ARGLU1: variants seen among roughly 807,000 people sequenced by gnomAD.
ARGLU1 encodes arginine and glutamate rich 1, also known as arginine and glutamate-rich protein 1.
In ARGLU1, 9 loss-of-function variants were observed where a neutral mutation model predicts 37.6. The observed-to-expected ratio is 0.24, with a 90% CI of 0.14 to 0.42. The LOEUF (loss-of-function observed/expected upper bound fraction) is 0.42. Among genes scored for constraint, ARGLU1 ranks in the 10% least tolerant of loss-of-function variants. The probability of loss-of-function intolerance (pLI) is 1.00; values close to 1 mark genes in which losing one functional copy is unlikely to be tolerated. For missense variants in ARGLU1, 211 were observed against 359.2 expected, an observed-to-expected ratio of 0.59 and a Z score of 3.34; for synonymous variants, 166 against 138.5, an observed-to-expected ratio of 1.20 and a Z score of -1.39.
rs189525359 is a variant in ARGLU1, at chr13:106,555,523, A to G, written c.657+1525T>C. Among the ~76,000 whole-genome samples, 12 of 152,348 alleles carry G rather than the reference A, an allele frequency of 7.9e-5. No homozygotes were observed. The South Asian group carries it at 8.3e-4, about 11-fold the overall frequency. On this transcript the variant is annotated intron_variant, in intron 3 of 3. Coordinates refer to ENST00000400198, the MANE Select transcript of ARGLU1 (RefSeq NM_018011.4). ...AATATTAAGGGTTTTAGAAGTTTTT[A>G]CAGCAATATGACCTCATTTTTCTAG...
chr13:106,567,519 C>G lies in ARGLU1; in HGVS notation c.347+54G>C. 3 of 1,321,812 alleles carry G rather than the reference C, an allele frequency of 2.3e-6. No homozygotes were observed. The highest frequency in any genetic ancestry group is 3.3e-6 in the Non-Finnish European group (3 of 921,670). The allele number at this position is 1,321,812 out of a possible 1,614,324, so 81.9% of individuals were successfully genotyped here. A position where few individuals can be genotyped will look rare whatever the true frequency, so the allele number is the denominator to read the frequency against. ...CCGTCCCGCCCCGGCCCCACGCCCT[C>G]GCCCCGCGCCCTGCTCTCCGCACGC... is the stretch of plus-strand genomic sequence containing the variant. On this transcript the variant is annotated intron_variant, in intron 1 of 3. Coordinates refer to ENST00000400198, the MANE Select transcript of ARGLU1 (RefSeq NM_018011.4). The surrounding 1 kb of genome is among the most constrained non-coding windows in gnomAD (Gnocchi z 4.3).
intron 1 of ARGLU1, chr13:106,562,002 A>G (rs1880814771): frequency 6.6e-6 from 1 of 152,206 alleles, no homozygotes. Context: ...GGGCAAGTGG[A>G]AAGTCCCACG....
chr13:106,554,882 CA>C (rs1410058402), intron 3 of ARGLU1, among the ~76,000 whole-genome samples: 3 of 92,688 alleles, frequency 3.2e-5, no homozygotes, highest in Admixed American at 1.3e-4. Flanking sequence ...GAGATTCCAT[CA>C]AAAAAAGAAA....
At chr13:106,561,843 A>C (rs906352271) in intron 1 of ARGLU1, 3 of 152,260 alleles carry the variant, frequency 2.0e-5, no homozygotes, top group Non-Finnish European at 2.9e-5. Context: ...GCAAATGCCA[A>C]ATCAGAATGT....
rs1416239527 is a variant in ARGLU1 at position 106,543,204 on chromosome 13, C to T, written c.*792G>A. On this transcript the variant is annotated 3_prime_UTR_variant, in exon 4 of 4. Transcript: ENST00000400198. ...CAAGTATATTTAATGTACATATAAA[C>T]CCTATGTTAAAAGTATAAACAAGAG... 1 of 152,340 alleles carries T rather than the reference C, an allele frequency of 6.6e-6. No individual in the cohort carries two copies. The highest frequency in any genetic ancestry group is 1.5e-5 in the Non-Finnish European group (1 of 67,908). 9.4% of individuals were successfully genotyped at this position (152,340 alleles called of 1,614,324 possible).
At chr13:106,552,272 A>T (rs1316408974) in intron 3 of ARGLU1, among the ~76,000 whole-genome samples, 1 of 152,228 alleles carries the variant, frequency 6.6e-6, no homozygotes, top group Non-Finnish European at 1.5e-5. Context: ...AAACTATTTC[A>T]TTAGTAAAGA....
At chr13:106,561,049 ATTC>A (rs1880786680) in intron 1 of ARGLU1, among the ~76,000 whole-genome samples, 1 of 152,154 alleles carries the variant, frequency 6.6e-6, no homozygotes, top group South Asian at 2.1e-4. Context: ...TATCCTCTAC[ATTC>A]TTCTGTCAAG....
chr13:106,563,305 A>C (rs895460466), intron 1 of ARGLU1, among the ~76,000 whole-genome samples: 1 of 152,168 alleles, frequency 6.6e-6, no homozygotes, highest in Non-Finnish European at 1.5e-5. Flanking sequence ...TATGTATCCC[A>C]TTTTTACTGA....
chr13:106,555,307 C>A (rs1018430218), intron 3 of ARGLU1, among the ~76,000 whole-genome samples: 1 of 152,156 alleles, frequency 6.6e-6, no homozygotes, highest in Middle Eastern at 3.4e-3. Context: ...GCTGCAATGA[C>A]CCGAGACTGC....
Position 106,568,003 on chromosome 13 carries a change from C to G in ARGLU1, c.-84G>C. On this transcript the variant is annotated 5_prime_UTR_variant, in exon 1 of 4. Coordinates refer to ENST00000400198, the MANE Select transcript of ARGLU1 (RefSeq NM_018011.4). ...GCCTCCGCCTTCGGACGCGGGCTGG[C>G]GGTTCTACCGAGGCCGGAGGAAAGA... 6.7e-7 allele frequency: 1 copy of G among 1,495,912 alleles called. No homozygotes were observed. The highest frequency in any genetic ancestry group is 8.8e-7 in the Non-Finnish European group (1 of 1,133,578). The allele number at this position is 1,495,912 out of a possible 1,614,324, so 92.7% of individuals were successfully genotyped here.
chr13:106,567,489 C>G lies in ARGLU1; in HGVS notation c.347+84G>C. On this transcript the variant is annotated intron_variant, in intron 1 of 3. Transcript: ENST00000400198. The surrounding 1 kb of genome is among the most constrained non-coding windows in gnomAD (Gnocchi z 4.3). ...GGACCGTCCCCGCCATTCTCCCGGC[C>G]CGCACCGTCCCGCCCCGGCCCCACG... is the stretch of plus-strand genomic sequence containing the variant. 6.0e-6 allele frequency: 6 copies of G among 1,005,372 alleles called. No individual in the cohort carries two copies. The highest frequency in any genetic ancestry group is 8.9e-6 in the Non-Finnish European group (6 of 674,846). 62.3% of individuals were successfully genotyped at this position (1,005,372 alleles called of 1,614,324 possible). A position where few individuals can be genotyped will look rare whatever the true frequency, so the allele number is the denominator to read the frequency against.
Position 106,567,159 on chromosome 13 carries a change from C to T in ARGLU1, c.347+414G>A, listed in dbSNP as rs1880990532. On this transcript the variant is annotated intron_variant, in intron 1 of 3. Transcript: ENST00000400198. This position sits in a 1 kb window ranked among gnomAD's most constrained non-coding sequence, Gnocchi z 4.3. ...GATTCGCATCTCAAAGGTTAATTCC[C>T]TTCTCTCTCCTCCTCAAGCCGACCA... Among the ~76,000 whole-genome samples, 1 of 151,882 alleles carries T rather than the reference C, an allele frequency of 6.6e-6. No homozygotes were observed. Among genetic ancestry groups the T allele is most frequent in the Non-Finnish European group, 1.5e-5 (1 of 67,986 alleles).
chr13:106,552,031 C>T (rs1880544495), intron 3 of ARGLU1, among the ~76,000 whole-genome samples: 1 of 152,170 alleles, frequency 6.6e-6, no homozygotes, highest in South Asian at 2.1e-4. Flanking sequence ...GATTGTTTTT[C>T]ATGGAGAGAG....
intron 1 of ARGLU1, among the ~76,000 whole-genome samples, chr13:106,564,705 T>C (rs2138977415): frequency 1.3e-5 from 2 of 152,270 alleles, no homozygotes; most frequent in Middle Eastern, 6.8e-3. Context: ...ACTCTCAAGG[T>C]TTCACGACAT....
chr13:106,556,777 G>A (rs1206313167), intron 3 of ARGLU1, among the ~76,000 whole-genome samples: 1 of 152,168 alleles, frequency 6.6e-6, no homozygotes, highest in Non-Finnish European at 1.5e-5. Context: ...GAATGTGAAT[G>A]AGGTTAGGAA....
At chr13:106,565,212 A>G (rs1385361799) in intron 1 of ARGLU1, among the ~76,000 whole-genome samples, 2 of 152,158 alleles carry the variant, frequency 1.3e-5, no homozygotes, top group East Asian at 3.8e-4. Context: ...CCCAGCCTCT[A>G]TTTACCTCTC....
At chr13:106,566,045 T>A (rs1442847392) in intron 1 of ARGLU1, among the ~76,000 whole-genome samples, 1 of 152,256 alleles carries the variant, frequency 6.6e-6, no homozygotes, top group Non-Finnish European at 1.5e-5. Flanking sequence ...TAGGTAACTT[T>A]TCATACATCC....
intron 1 of ARGLU1, among the ~76,000 whole-genome samples, chr13:106,565,255 T>C (rs895644718): frequency 6.6e-6 from 1 of 152,232 alleles, no homozygotes; most frequent in Non-Finnish European, 1.5e-5. Context: ...TTTATAGAAC[T>C]TCGTGTTCTA....
chr13:106,556,981 C>T (rs1880675971), intron 3 of ARGLU1, 67 bp downstream of exon 3: 23 of 1,408,076 alleles, frequency 1.6e-5, no homozygotes, highest in Non-Finnish European at 2.3e-5. Flanking sequence ...AAAAATCAAT[C>T]CACAAAATCC....
Sources: gnomAD v4.1 joint callset for allele counts (sites outside exome capture counted in the v4.1 genomes callset) on GRCh38, gnomAD v4.1.1 for gene constraint, Gnocchi (gnomAD v3.1) non-coding constraint, MANE v1.5 for transcripts, NCBI Gene and HGNC (gene_info 2026-07-23, HGNC 2026-07-21) for gene names.